Variants in ABCA12 observed in about 807,000 individuals in gnomAD.
ABCA12 encodes glucosylceramide transporter ABCA12.
In ABCA12, 156 loss-of-function variants were observed where a neutral mutation model predicts 293.5. The observed-to-expected ratio is 0.53, with a 90% CI of 0.47 to 0.61. The LOEUF (loss-of-function observed/expected upper bound fraction) is 0.61, where lower values mean the gene tolerates loss of function less well. ABCA12 is among the 20% of genes least tolerant of loss of function. ABCA12 has a pLI of 0.00. For missense variants in ABCA12, 2,797 were observed against 3,090.2 expected (o/e 0.91, Z 2.25); for synonymous variants, 1,063 against 1,108.0 (o/e 0.96, Z 0.81).
intron 1 of ABCA12, among the ~76,000 whole-genome samples, chr2:215,137,037 C>A (rs944764167): frequency 2.0e-5 from 3 of 148,436 alleles, no homozygotes; most frequent in East Asian, 2.0e-4. Context: ...TTCTTCTGTG[C>A]TTTTTTTTTT....
intron 27 of ABCA12, among the ~76,000 whole-genome samples, chr2:214,987,299 A>G (rs7562610): frequency 1 from 151,827 of 152,308 alleles, 75,677 homozygotes; most frequent in East Asian, 1. Context: ...AAATTACTCA[A>G]ACTTGTTACT....
chr2:215,027,574 A>G (rs1023421720), intron 9 of ABCA12, among the ~76,000 whole-genome samples: 2 of 152,156 alleles, frequency 1.3e-5, no homozygotes, highest in Non-Finnish European at 2.9e-5. Context: ...TGCCAGGTAA[A>G]ATACTGGACT....
chr2:215,034,977 T>C (rs1351740486), intron 8 of ABCA12, among the ~76,000 whole-genome samples: 5 of 152,172 alleles, frequency 3.3e-5, no homozygotes, highest in Non-Finnish European at 7.4e-5. Flanking sequence ...GAAAGGATGT[T>C]CATTTTCAAA....
At chr2:214,999,014 C>T (rs1700089948) in intron 22 of ABCA12, among the ~76,000 whole-genome samples, 1 of 152,128 alleles carries the variant, frequency 6.6e-6, no homozygotes, top group Non-Finnish European at 1.5e-5. Context: ...AGCATGAGAT[C>T]ACTATCATTC....
At chr2:215,030,550 G>T (rs909340429) in intron 9 of ABCA12, among the ~76,000 whole-genome samples, 4 of 151,010 alleles carry the variant, frequency 2.6e-5, no homozygotes, top group Non-Finnish European at 5.9e-5. Flanking sequence ...CTTGCAGTGA[G>T]CCGAGATGGC....
chr2:214,967,332 A>G (rs1220686169), intron 38 of ABCA12, among the ~76,000 whole-genome samples: 2 of 152,130 alleles, frequency 1.3e-5, no homozygotes, highest in East Asian at 1.9e-4. Context: ...AAACTAATGG[A>G]ATAGACCAAG....
At chr2:215,127,621 G>A (rs1702955914) in intron 1 of ABCA12, among the ~76,000 whole-genome samples, 1 of 152,086 alleles carries the variant, frequency 6.6e-6, no homozygotes, top group Non-Finnish European at 1.5e-5. Context: ...ACCGCTGCTT[G>A]CTTTTGGTGT....
chr2:215,028,604 A>T (rs568924251), intron 9 of ABCA12, among the ~76,000 whole-genome samples: 1 of 152,350 alleles, frequency 6.6e-6, no homozygotes, highest in Admixed American at 6.5e-5. Context: ...ATGAAGGACC[A>T]GGAGAGTGTA....
intron 43 of ABCA12, among the ~76,000 whole-genome samples, chr2:214,954,967 CCT>C (rs745559255): frequency 2.6e-5 from 4 of 152,196 alleles, no homozygotes; most frequent in Non-Finnish European, 5.9e-5. Context: ...TCTGATTTCA[CCT>C]CTGTCACCAC....
At chr2:214,987,534 G>T in intron 27 of ABCA12, 113 bp downstream of exon 27, 3 of 1,304,960 alleles carry the variant, frequency 2.3e-6, no homozygotes, top group South Asian at 3.1e-5. Context: ...TTTCATCCAT[G>T]ACTAAAAGGA....
intron 8 of ABCA12, chr2:215,032,252 A>G (rs984322977): frequency 2.3e-6 from 1 of 440,952 alleles, no homozygotes; most frequent in African/African-American, 2.1e-5. Context: ...TGTTAATCAA[A>G]TGAAGCCAAT....
chr2:214,973,016 G>C (rs949837689), intron 36 of ABCA12, among the ~76,000 whole-genome samples: 1 of 151,784 alleles, frequency 6.6e-6, no homozygotes, highest in African/African-American at 2.4e-5. Context: ...GTAGAGATGG[G>C]GTTTCACCAT....
intron 2 of ABCA12, among the ~76,000 whole-genome samples, chr2:215,081,512 GA>G (rs1701940494): frequency 4.4e-5 from 6 of 137,796 alleles, no homozygotes; most frequent in Non-Finnish European, 8.0e-5. Context: ...AAAAGAAAAA[GA>G]AAAAAGAAAA....
rs773811031 is a variant in ABCA12 at position 214,953,878 on chromosome 2, T to A, written c.6623A>T (p.Asn2208Ile). Reference protein sequence around the residue: ...TMFFSLRLLINESLIKKLRLF... With the variant: ...TMFFSLRLLIIESLIKKLRLF... ...CCTGAGTTTCTTTATCAGGGATTCGTTGATTAAGAGTCGCAAGGAAAAAAA... is the reference window on the plus strand; with the variant it reads ...CCTGAGTTTCTTTATCAGGGATTCGATGATTAAGAGTCGCAAGGAAAAAAA... Residue 2208 changes from asparagine (N) to isoleucine (I), a missense_variant, in exon 44 of 53, where the codon AAC becomes ATC. Asn to Ile is a moderately radical substitution (Grantham distance 149, BLOSUM62 -3). Around this residue, in one of 3 missense-constraint regions of ABCA12, gnomAD observed 2,130 missense variants for 2,427.0 expected, o/e 0.88. Transcript: ENST00000272895. 1 of 1,613,968 alleles carries A rather than the reference T, an allele frequency of 6.2e-7. No individual in the cohort carries two copies. Among genetic ancestry groups the A allele is most frequent in the South Asian group, 1.1e-5 (1 of 91,072 alleles).
At chr2:214,965,517 G>T (rs559296085) in intron 39 of ABCA12, among the ~76,000 whole-genome samples, 3 of 152,086 alleles carry the variant, frequency 2.0e-5, no homozygotes, top group Admixed American at 2.0e-4. Flanking sequence ...AGTCTTTAAA[G>T]AACTTAAATT....
chr2:215,118,986 T>C (rs761311374), intron 1 of ABCA12, among the ~76,000 whole-genome samples: 20 of 152,230 alleles, frequency 1.3e-4, no homozygotes, highest in Non-Finnish European at 2.2e-4. Context: ...AATTATTATT[T>C]TATTTTTGAG....
At position 215,045,850 on chromosome 2, in the gene ABCA12, G is replaced by T. The variant is rs11891778; in HGVS notation, c.859C>A (p.Arg287=). ...TSLSNLFDVL[R]KANSVLLVVQ... is the part of the protein sequence containing the mutation. ...ACATTTTCTTACCTGTTTGCCTTTC[G>T]AAGAACATCAAATAGATTGCTTAGT... Residue 287 remains arginine (R), a synonymous_variant, in exon 7 of 53, where the codon CGA becomes AGA. Transcript: ENST00000272895. The T allele has an allele frequency of 1.9e-6, 3 of 1,612,692 alleles. No individual in the cohort carries two copies. Among genetic ancestry groups the T allele is most frequent in the African/African-American group, 1.3e-5 (1 of 74,760 alleles).
intron 9 of ABCA12, among the ~76,000 whole-genome samples, chr2:215,028,179 T>G (rs1700791318): frequency 6.6e-6 from 1 of 152,240 alleles, no homozygotes; most frequent in African/African-American, 2.4e-5. Flanking sequence ...AACTTAGATT[T>G]TATTAAAATG....
chr2:214,996,888 T>G (rs1700046604), intron 23 of ABCA12, among the ~76,000 whole-genome samples: 1 of 152,178 alleles, frequency 6.6e-6, no homozygotes, highest in Non-Finnish European at 1.5e-5. Flanking sequence ...GGCCTTGCAA[T>G]AATTATTGTG....
Sources: gnomAD v4.1 joint callset for allele counts (sites outside exome capture counted in the v4.1 genomes callset) on GRCh38, gnomAD v4.1.1 for gene constraint, gnomAD v4.1.1 regional missense constraint, MANE v1.5 for transcripts, NCBI Gene and HGNC (gene_info 2026-07-23, HGNC 2026-07-21) for gene names.